The following DCAF8L2 variants were observed in gnomAD, a reference collection of about 807,000 sequenced individuals.
The protein encoded by DCAF8L2 is DDB1 and CUL4 associated factor 8 like 2.
For missense variants in DCAF8L2, 430 were observed against 490.7 expected (o/e 0.88, Z 1.17); for synonymous variants, 200 against 190.9 (o/e 1.05, Z -0.39).
At chrX:27,693,040 C>G (rs1017072026) in intron 3 of DCAF8L2, among the ~76,000 whole-genome samples, 2 of 111,677 alleles carry the variant, frequency 1.8e-5, no homozygotes, top group Non-Finnish European at 3.8e-5. Flanking sequence ...TTATTTTAAC[C>G]ACATTACTGA....
At chrX:27,698,730 TA>T (rs1041969761) in intron 3 of DCAF8L2, among the ~76,000 whole-genome samples, 7 of 111,495 alleles carry the variant, frequency 6.3e-5, no homozygotes, top group Non-Finnish European at 7.5e-5. Context: ...GTCTGACTTT[TA>T]AAAAAAATGA....
At chrX:27,655,416 G>A (rs1929314988) in intron 2 of DCAF8L2, among the ~76,000 whole-genome samples, 1 of 111,847 alleles carries the variant, frequency 8.9e-6, no homozygotes. Context: ...ACAAACCATC[G>A]ACATAAAAAG....
chrX:27,489,699 A>G, the DCAF8L2 span, among the ~76,000 whole-genome samples: 1 of 111,557 alleles, frequency 9.0e-6, no homozygotes, highest in Non-Finnish European at 1.9e-5. Flanking sequence ...ATCTTGTCTG[A>G]AATCATTATT....
chrX:27,478,416 G>A, the DCAF8L2 span, among the ~76,000 whole-genome samples: 1 of 111,841 alleles, frequency 8.9e-6, no homozygotes, highest in Non-Finnish European at 1.9e-5. Flanking sequence ...ATATCTGAAG[G>A]CATCTCTAGT....
At chrX:27,705,508 T>G (rs1931311958) in intron 3 of DCAF8L2, among the ~76,000 whole-genome samples, 1 of 110,860 alleles carries the variant, frequency 9.0e-6, no homozygotes, top group African/African-American at 3.3e-5. Context: ...AACTTGTATC[T>G]TATTGTGGTT....
the DCAF8L2 span, among the ~76,000 whole-genome samples, chrX:27,506,844 T>G: frequency 1.6e-4 from 18 of 111,461 alleles, no homozygotes; most frequent in Non-Finnish European, 3.0e-4. Flanking sequence ...AGGCTCACCC[T>G]AATTACCTTA....
chrX:27,522,278 C>T, the DCAF8L2 span, among the ~76,000 whole-genome samples: 5 of 112,140 alleles, frequency 4.5e-5, no homozygotes, highest in Admixed American at 4.7e-4. Flanking sequence ...CCGCCTGCCT[C>T]GGCCTCCCAA....
the DCAF8L2 span, among the ~76,000 whole-genome samples, chrX:27,532,609 A>G: frequency 9.0e-6 from 1 of 110,804 alleles, no homozygotes; most frequent in East Asian, 2.8e-4. Flanking sequence ...ACCAAAATCA[A>G]TGAAGGAGCC....
chrX:27,480,780 T>C, the DCAF8L2 span, among the ~76,000 whole-genome samples: 2 of 111,760 alleles, frequency 1.8e-5, no homozygotes, highest in African/African-American at 6.5e-5. Context: ...ATATTACATT[T>C]CTTCTGTTGA....
chrX:27,572,368 C>T, the DCAF8L2 span, among the ~76,000 whole-genome samples: 1 of 111,738 alleles, frequency 8.9e-6, no homozygotes, highest in Non-Finnish European at 1.9e-5. Context: ...CTAAACAGGG[C>T]AATTTCGTCT....
the DCAF8L2 span, among the ~76,000 whole-genome samples, chrX:27,551,292 C>T: frequency 9.0e-6 from 1 of 110,564 alleles, no homozygotes; most frequent in East Asian, 2.9e-4. Context: ...GCAACCACCA[C>T]GCTGATCACT....
intron 1 of DCAF8L2, among the ~76,000 whole-genome samples, chrX:27,590,760 A>C (rs1051933904): frequency 5.2e-4 from 56 of 108,727 alleles, no homozygotes; most frequent in Non-Finnish European, 8.8e-4. Context: ...ATTAAGACGG[A>C]ATAGAGATAA....
intron 3 of DCAF8L2, among the ~76,000 whole-genome samples, chrX:27,706,099 C>A (rs939588274): frequency 9.0e-6 from 1 of 110,960 alleles, no homozygotes; most frequent in African/African-American, 3.3e-5. Context: ...AGACCAGATG[C>A]TTGTAGGTGT....
chrX:27,534,790 G>A, the DCAF8L2 span, among the ~76,000 whole-genome samples: 3 of 112,035 alleles, frequency 2.7e-5, no homozygotes, highest in African/African-American at 9.7e-5. Context: ...CACATAGGAA[G>A]TTAAGGATTC....
intron 2 of DCAF8L2, among the ~76,000 whole-genome samples, chrX:27,644,597 G>A (rs1468827437): frequency 1.8e-5 from 2 of 110,371 alleles, no homozygotes; most frequent in African/African-American, 3.3e-5. Flanking sequence ...GGAAGCTAAG[G>A]GGAAGCCACA....
intron 3 of DCAF8L2, among the ~76,000 whole-genome samples, chrX:27,714,513 A>G (rs2147287814): frequency 8.9e-6 from 1 of 111,882 alleles, no homozygotes; most frequent in South Asian, 3.7e-4. Context: ...TTCTCTAAAT[A>G]TGCTTAGTTT....
At chrX:27,662,943 C>T (rs1929607459) in intron 2 of DCAF8L2, among the ~76,000 whole-genome samples, 1 of 111,675 alleles carries the variant, frequency 9.0e-6, no homozygotes, top group African/African-American at 3.2e-5. Context: ...TATATTTTTA[C>T]TTGACCTTCA....
chrX:27,624,665 C>T (rs1009215474), intron 1 of DCAF8L2, among the ~76,000 whole-genome samples: 1 of 110,976 alleles, frequency 9.0e-6, no homozygotes, highest in Middle Eastern at 4.2e-3. Context: ...ACACACAGAC[C>T]AGTAGAATAG....
At chrX:27,560,803 T>A in the DCAF8L2 span, among the ~76,000 whole-genome samples, 1 of 112,160 alleles carries the variant, frequency 8.9e-6, no homozygotes, top group Non-Finnish European at 1.9e-5. Flanking sequence ...ATGGCCTTGT[T>A]CCAGACCTCT....
Sources: gnomAD v4.1 joint callset for allele counts (sites outside exome capture counted in the v4.1 genomes callset) on GRCh38, gnomAD v4.1.1 for gene constraint, MANE v1.5 for transcripts, NCBI Gene and HGNC (gene_info 2026-07-23, HGNC 2026-07-21) for gene names.